Variants in IPCEF1 observed in about 807,000 individuals in gnomAD.
IPCEF1 encodes interaction protein for cytohesin exchange factors 1.
In IPCEF1, 31 loss-of-function variants were observed where a neutral mutation model predicts 50.9. The observed-to-expected ratio is 0.61, with a 90% CI of 0.46 to 0.82. IPCEF1 has a LOEUF of 0.82. Ranked by LOEUF, IPCEF1 falls within the 40% of genes least tolerant of loss-of-function variation. The pLI is 0.00. For synonymous variants in IPCEF1, 181 were observed against 192.0 expected, an observed-to-expected ratio of 0.94 and a Z score of 0.47; for missense variants, 458 against 514.0, an observed-to-expected ratio of 0.89 and a Z score of 1.05.
rs1432485643 is a variant in IPCEF1, at chr6:154,294,970, G to A, written c.-61-5214C>T. Among the ~76,000 whole-genome samples, 3 of 152,156 alleles carry A rather than the reference G, an allele frequency of 2.0e-5. 1 individual carries two copies. The highest frequency in any genetic ancestry group is 4.1e-4 in the South Asian group (2 of 4,822). On this transcript the variant is annotated intron_variant, in intron 1 of 11. Coordinates refer to ENST00000367220, the MANE Select transcript of IPCEF1 (RefSeq NM_001130700.2). Reference sequence around the variant, plus strand: ...TCCCAGCACTTTGGGAGGCCAAGGCGGGCACATTATGAGGTCAGGAGATCG... The same window carrying A: ...TCCCAGCACTTTGGGAGGCCAAGGCAGGCACATTATGAGGTCAGGAGATCG...
chr6:154,313,775 G>A (rs934900535), intron 1 of IPCEF1, among the ~76,000 whole-genome samples: 2 of 151,784 alleles, frequency 1.3e-5, no homozygotes, highest in African/African-American at 4.8e-5. Context: ...ACAGGGTCTC[G>A]CTCTGTCACC....
rs545227512 is a variant in IPCEF1 at position 154,241,786 on chromosome 6, G to A, written c.246+4805C>T. Among the ~76,000 whole-genome samples the A allele has an allele frequency of 1.7e-4, 26 of 152,066 alleles. No homozygotes were observed. The East Asian group carries it at 3.9e-3, about 23-fold the overall frequency. Reference sequence around the variant, plus strand: ...CATATTTTTCGCATGCCAATTTCACGAGCTCACCTTCCGGCTCAAGAATAG... The same window carrying A: ...CATATTTTTCGCATGCCAATTTCACAAGCTCACCTTCCGGCTCAAGAATAG... On this transcript the variant is annotated intron_variant, in intron 5 of 11. Coordinates refer to ENST00000367220, the MANE Select transcript of IPCEF1 (RefSeq NM_001130700.2).
chr6:154,184,686 C>T (rs1488525292), intron 10 of IPCEF1, among the ~76,000 whole-genome samples: 3 of 151,680 alleles, frequency 2.0e-5, no homozygotes, highest in Admixed American at 6.6e-5. Context: ...ATATTTTTTT[C>T]GAATGAATGA....
chr6:154,190,514 G>A (rs1413990386), intron 10 of IPCEF1, among the ~76,000 whole-genome samples: 1 of 152,090 alleles, frequency 6.6e-6, no homozygotes, highest in Admixed American at 6.6e-5. Context: ...AACACCAAAC[G>A]TTGGCAAGGA....
chr6:154,275,461 C>T (rs1229527628), intron 2 of IPCEF1, among the ~76,000 whole-genome samples: 5 of 152,194 alleles, frequency 3.3e-5, no homozygotes, highest in African/African-American at 1.2e-4. Flanking sequence ...TAGTTTGCTT[C>T]ACTCCAGCCG....
intron 1 of IPCEF1, among the ~76,000 whole-genome samples, chr6:154,344,617 T>C (rs1783987801): frequency 6.6e-6 from 1 of 152,142 alleles, no homozygotes; most frequent in Non-Finnish European, 1.5e-5. Flanking sequence ...ATAGGAGTGC[T>C]CAATATGCCG....
At position 154,159,917 on chromosome 6, in the gene IPCEF1, G is replaced by A. The variant is rs979511447; in HGVS notation, c.1228C>T (p.Arg410Trp). ...LLIQDIYQQQ[R>W]ASPAPDDTDD... Reference sequence around the variant, plus strand: ...GTGTCATCAGGGGCAGGCGAAGCCCGCTGCTGCTGATAGATGTCCTGGATC... The same window carrying A: ...GTGTCATCAGGGGCAGGCGAAGCCCACTGCTGCTGATAGATGTCCTGGATC... Residue 410 changes from arginine to tryptophan, a missense_variant, in exon 12 of 12, where the codon CGG (arginine) becomes TGG (tryptophan). Coordinates refer to ENST00000367220, the MANE Select transcript of IPCEF1 (RefSeq NM_001130700.2). 9 of 1,613,470 alleles carry A rather than the reference G, an allele frequency of 5.6e-6. No homozygotes were observed. The highest frequency in any genetic ancestry group is 2.7e-5 in the African/African-American group (2 of 74,896).
At chr6:154,269,626 A>G (rs1349736472) in intron 2 of IPCEF1, among the ~76,000 whole-genome samples, 2 of 152,274 alleles carry the variant, frequency 1.3e-5, no homozygotes, top group South Asian at 4.1e-4. Flanking sequence ...GTGAGCAACC[A>G]TGCCTGGCCA....
chr6:154,331,901 A>C (rs1455926957), intron 1 of IPCEF1, among the ~76,000 whole-genome samples: 1 of 152,204 alleles, frequency 6.6e-6, no homozygotes, highest in African/African-American at 2.4e-5. Context: ...GAAGACCCCC[A>C]GTCAAAGGTC....
intron 10 of IPCEF1, among the ~76,000 whole-genome samples, chr6:154,169,727 C>G (rs1799724988): frequency 6.6e-6 from 1 of 152,202 alleles, no homozygotes; most frequent in African/African-American, 2.4e-5. Context: ...GCCACTCCAC[C>G]ACAGGATCTA....
intron 1 of IPCEF1, among the ~76,000 whole-genome samples, chr6:154,308,633 C>A (rs1782998527): frequency 6.6e-6 from 1 of 152,110 alleles, no homozygotes; most frequent in Non-Finnish European, 1.5e-5. Flanking sequence ...TAATTGAAAT[C>A]AATGGTATTG....
At chr6:154,297,802 G>A (rs892420016) in intron 1 of IPCEF1, among the ~76,000 whole-genome samples, 1 of 152,134 alleles carries the variant, frequency 6.6e-6, no homozygotes, top group Non-Finnish European at 1.5e-5. Context: ...GCATGGACGG[G>A]GATGACAGCT....
At chr6:154,297,928 G>A (rs1370858457) in intron 1 of IPCEF1, among the ~76,000 whole-genome samples, 2 of 152,172 alleles carry the variant, frequency 1.3e-5, no homozygotes, top group African/African-American at 2.4e-5. Context: ...CTAATGAGCC[G>A]CAGTGCTCTG....
intron 1 of IPCEF1, among the ~76,000 whole-genome samples, chr6:154,355,645 C>T (rs1416092977): frequency 5.9e-5 from 9 of 151,820 alleles, no homozygotes; most frequent in Non-Finnish European, 8.8e-5. Context: ...CATGCTCCCA[C>T]GCCCAGTTAA....
At chr6:154,353,125 G>C (rs1784145186) in intron 1 of IPCEF1, among the ~76,000 whole-genome samples, 1 of 151,970 alleles carries the variant, frequency 6.6e-6, no homozygotes. Context: ...ACTCTCAAAG[G>C]GGATTTCCCT....
Position 154,156,404 on chromosome 6 carries a change from C to G in IPCEF1, c.*3424G>C, listed in dbSNP as rs1007710523. On this transcript the variant is annotated 3_prime_UTR_variant, in exon 12 of 12. Transcript: ENST00000367220. Reference sequence around the variant, plus strand: ...CAACTTCACAAGGTAACAGGTGAAGCGAGGTGGGGGGCGGAGAGGAGGAAA... The same window carrying G: ...CAACTTCACAAGGTAACAGGTGAAGGGAGGTGGGGGGCGGAGAGGAGGAAA... 6.6e-6 allele frequency: 1 copy of G among 152,194 alleles called. No homozygotes were observed. The highest frequency in any genetic ancestry group is 1.5e-5 in the Non-Finnish European group (1 of 68,084). 9.4% of individuals were successfully genotyped at this position (152,194 alleles called of 1,614,324 possible).
rs1337235773 is a variant in IPCEF1 at position 154,156,044 on chromosome 6, C to T, written c.*3784G>A. 1.3e-5 allele frequency: 2 copies of T among 152,146 alleles called. No individual in the cohort carries two copies. Among genetic ancestry groups the T allele is most frequent in the African/African-American group, 2.4e-5 (1 of 41,426 alleles). 9.4% of individuals were successfully genotyped at this position (152,146 alleles called of 1,614,324 possible). ...CTCTAACATTTGACAGCACATGCCT[C>T]AAAAAGCAAACAAAATAAACACTCT... On this transcript the variant is annotated 3_prime_UTR_variant, in exon 12 of 12. Transcript: ENST00000367220.
chr6:154,250,158 A>C (rs913491476), intron 3 of IPCEF1, among the ~76,000 whole-genome samples: 1 of 152,096 alleles, frequency 6.6e-6, no homozygotes, highest in Non-Finnish European at 1.5e-5. Context: ...ACTTTATTGC[A>C]TCTAAGATAG....
intron 10 of IPCEF1, among the ~76,000 whole-genome samples, chr6:154,169,337 G>C (rs2128555164): frequency 6.6e-6 from 1 of 152,176 alleles, no homozygotes; most frequent in Middle Eastern, 3.4e-3. Context: ...CTCCAGCCTG[G>C]GCTACAGAGT....
Sources: allele counts gnomAD v4.1 joint callset (sites outside exome capture counted in the v4.1 genomes callset), GRCh38; gene constraint gnomAD v4.1.1; transcripts MANE v1.5; gene names NCBI Gene and HGNC (gene_info 2026-07-23, HGNC 2026-07-21).